CNIH3: variants seen among roughly 807,000 people sequenced by gnomAD.
CNIH3 encodes the protein protein cornichon homolog 3.
CNIH3 carries 14 observed loss-of-function variants against 24.1 expected under a neutral mutation model. The ratio of observed to expected loss-of-function variants is 0.58; its 90% confidence interval spans 0.38 to 0.91. The LOEUF (loss-of-function observed/expected upper bound fraction) is 0.91, where lower values mean the gene tolerates loss of function less well. CNIH3 is among the 40% of genes least tolerant of loss of function. The pLI is 0.00. For missense variants in CNIH3, 178 were observed against 196.8 expected (o/e 0.90, Z 0.57); for synonymous variants, 68 against 73.8 (o/e 0.92, Z 0.40).
intron 3 of CNIH3, among the ~76,000 whole-genome samples, chr1:224,696,925 C>A (rs1199050871): frequency 6.6e-6 from 1 of 152,142 alleles, no homozygotes; most frequent in African/African-American, 2.4e-5. Context: ...GTTGCCTGGA[C>A]ATGTATTTTA....
At chr1:224,605,359 C>T (rs1483012749) in intron 3 of CNIH3, among the ~76,000 whole-genome samples, 1 of 152,194 alleles carries the variant, frequency 6.6e-6, no homozygotes, top group African/African-American at 2.4e-5. Flanking sequence ...ATGTCTGACT[C>T]CATCTTGCTT....
At chr1:224,580,935 G>A (rs1681250115) in intron 4 of CNIH3, among the ~76,000 whole-genome samples, 1 of 152,158 alleles carries the variant, frequency 6.6e-6, no homozygotes, top group African/African-American at 2.4e-5. Context: ...TTCATCTTGG[G>A]GTAGATGAGG....
intron 1 of CNIH3, among the ~76,000 whole-genome samples, chr1:224,633,649 G>A (rs1218417707): frequency 2.6e-5 from 4 of 152,184 alleles, no homozygotes; most frequent in Non-Finnish European, 5.9e-5. Context: ...AGTGCTGCCC[G>A]TTGGCTGTAC....
At chr1:224,535,761 A>T (rs1296494743) in intron 2 of CNIH3, among the ~76,000 whole-genome samples, 1 of 152,224 alleles carries the variant, frequency 6.6e-6, no homozygotes, top group East Asian at 1.9e-4. Flanking sequence ...TGGGGCTGGT[A>T]ACAGTGGGTG....
intron 2 of CNIH3, among the ~76,000 whole-genome samples, chr1:224,546,563 A>G (rs910305259): frequency 1.3e-5 from 2 of 152,156 alleles, no homozygotes; most frequent in African/African-American, 4.8e-5. Context: ...TGCCTTGGTG[A>G]GAAGTGGAGA....
chr1:224,529,989 C>G (rs791511), intron 2 of CNIH3, among the ~76,000 whole-genome samples: 46,800 of 152,042 alleles, frequency 0.31, 9,739 homozygotes, highest in African/African-American at 0.59. Context: ...TATTGCTGAG[C>G]GCTTGCTATG....
intron 3 of CNIH3, among the ~76,000 whole-genome samples, chr1:224,705,854 T>C (rs951091345): frequency 5.0e-4 from 53 of 106,990 alleles, no homozygotes; most frequent in African/African-American, 1.2e-3. Context: ...TCTTTTCTTT[T>C]TTTTCTTTTT....
At chr1:224,483,983 C>A (rs2124827443) in intron 1 of CNIH3, among the ~76,000 whole-genome samples, 1 of 152,124 alleles carries the variant, frequency 6.6e-6, no homozygotes, top group East Asian at 1.9e-4. Context: ...CTAGCCTGAC[C>A]AACATGGTGA....
At chr1:224,688,119 G>A (rs1156911639) in intron 3 of CNIH3, among the ~76,000 whole-genome samples, 3 of 152,206 alleles carry the variant, frequency 2.0e-5, no homozygotes, top group Admixed American at 2.0e-4. Context: ...GCGGCTATAA[G>A]GAGATGGGCT....
At chr1:224,497,019 A>G (rs1336317181) in intron 1 of CNIH3, among the ~76,000 whole-genome samples, 1 of 152,268 alleles carries the variant, frequency 6.6e-6, no homozygotes, top group African/African-American at 2.4e-5. Context: ...TGGTATATCC[A>G]TACAATGGAA....
intron 1 of CNIH3, among the ~76,000 whole-genome samples, chr1:224,438,548 T>A (rs185957606): frequency 3.5e-4 from 54 of 152,356 alleles, no homozygotes; most frequent in African/African-American, 1.0e-3. Context: ...TGATATTTAA[T>A]TTGTTAAATT....
intron 1 of CNIH3, among the ~76,000 whole-genome samples, chr1:224,676,646 T>A (rs1686153337): frequency 1.3e-5 from 2 of 152,210 alleles, no homozygotes; most frequent in African/African-American, 4.8e-5. Flanking sequence ...ACACGGAGGC[T>A]GGTCTGTGCA....
chr1:224,701,196 T>C (rs1437138867), intron 3 of CNIH3, among the ~76,000 whole-genome samples: 2 of 150,356 alleles, frequency 1.3e-5, no homozygotes, highest in Admixed American at 1.3e-4. Flanking sequence ...GGGCTCGGGT[T>C]CTTTTTTTTT....
downstream of CNIH3, among the ~76,000 whole-genome samples, chr1:224,538,645 T>TTC (rs375750092): frequency 1.3e-3 from 187 of 149,008 alleles, no homozygotes; most frequent in Middle Eastern, 3.4e-3. Context: ...CTCCTCCTCC[T>TTC]TCTCTCTCTC....
At chr1:224,507,856 A>T (rs573788534) in intron 1 of CNIH3, among the ~76,000 whole-genome samples, 2 of 152,372 alleles carry the variant, frequency 1.3e-5, no homozygotes, top group South Asian at 4.1e-4. Flanking sequence ...TGATATGAAG[A>T]TGAATAAGAC....
downstream of CNIH3, among the ~76,000 whole-genome samples, chr1:224,541,819 T>G (rs960775522): frequency 1.3e-5 from 2 of 152,258 alleles, no homozygotes; most frequent in Non-Finnish European, 2.9e-5. Flanking sequence ...CTCTTTCATT[T>G]TCCATACACA....
At chr1:224,568,441 A>G (rs1418813329) in intron 4 of CNIH3, among the ~76,000 whole-genome samples, 1 of 152,016 alleles carries the variant, frequency 6.6e-6, no homozygotes, top group Non-Finnish European at 1.5e-5. Context: ...ATATTCATAT[A>G]ATATATATGT....
intron 3 of CNIH3, among the ~76,000 whole-genome samples, chr1:224,688,067 A>G (rs1238478226): frequency 6.6e-6 from 1 of 152,134 alleles, no homozygotes; most frequent in African/African-American, 2.4e-5. Context: ...TTACCTGTAG[A>G]TGTTAGGACC....
chr1:224,640,897 A>G (rs1021533934), intron 1 of CNIH3, among the ~76,000 whole-genome samples: 4 of 152,220 alleles, frequency 2.6e-5, no homozygotes, highest in African/African-American at 9.6e-5. Context: ...TGTTCTAAGC[A>G]GCAGATCTAA....
Sources: allele counts gnomAD v4.1 joint callset (sites outside exome capture counted in the v4.1 genomes callset), GRCh38; gene constraint gnomAD v4.1.1; transcripts MANE v1.5; gene names NCBI Gene and HGNC (gene_info 2026-07-23, HGNC 2026-07-21).